Variants in OR14A2 observed in about 807,000 individuals in gnomAD.
OR14A2 encodes olfactory receptor 14A2.
For missense variants in OR14A2, 237 were observed against 152.9 expected (o/e 1.55, Z -2.90); for synonymous variants, 114 against 58.6 (o/e 1.95, Z -4.32).
the OR14A2 span, among the ~76,000 whole-genome samples, chr1:247,734,410 A>G: frequency 6.6e-6 from 1 of 152,182 alleles, no homozygotes; most frequent in Non-Finnish European, 1.5e-5. Context: ...CATCTGTAGT[A>G]TTTTGTCATG....
upstream of OR14A2, among the ~76,000 whole-genome samples, chr1:247,727,869 C>T (rs1660416520): frequency 2.7e-5 from 4 of 146,408 alleles, no homozygotes; most frequent in African/African-American, 1.1e-4. Context: ...CAAGACTAAA[C>T]CAGGAAGAAG....
chr1:247,729,875 A>G, the OR14A2 span, among the ~76,000 whole-genome samples: 1 of 152,050 alleles, frequency 6.6e-6, no homozygotes, highest in East Asian at 1.9e-4. Flanking sequence ...AGATTTGCTC[A>G]TGTTTTCTTG....
chr1:247,727,155 C>T (rs1660394622), upstream of OR14A2, among the ~76,000 whole-genome samples: 1 of 149,146 alleles, frequency 6.7e-6, no homozygotes, highest in Non-Finnish European at 1.5e-5. Context: ...TTGATTCTTC[C>T]TACCCATGAG....
the OR14A2 span, among the ~76,000 whole-genome samples, chr1:247,737,017 G>T: frequency 6.2e-3 from 942 of 152,072 alleles, 14 homozygotes; most frequent in Middle Eastern, 0.024. Flanking sequence ...GGCTTGTCTC[G>T]AATTCCTGGC....
chr1:247,745,745 A>G, the OR14A2 span, among the ~76,000 whole-genome samples: 2 of 152,326 alleles, frequency 1.3e-5, no homozygotes, highest in East Asian at 3.9e-4. Context: ...TGGCTCATAT[A>G]CTTGGTAAAA....
the OR14A2 span, among the ~76,000 whole-genome samples, chr1:247,733,802 T>G: frequency 6.6e-6 from 1 of 152,062 alleles, no homozygotes; most frequent in African/African-American, 2.4e-5. Context: ...CCACCTCTAT[T>G]TAGCCCCAAG....
At chr1:247,729,656 G>GT in the OR14A2 span, among the ~76,000 whole-genome samples, 1 of 151,978 alleles carries the variant, frequency 6.6e-6, no homozygotes, top group Non-Finnish European at 1.5e-5. Flanking sequence ...TAATTTTAAA[G>GT]TTTTTTGTCC....
chr1:247,744,311 G>GT, the OR14A2 span, among the ~76,000 whole-genome samples: 1 of 151,916 alleles, frequency 6.6e-6, no homozygotes, highest in Non-Finnish European at 1.5e-5. This position sits in a 1 kb window ranked among gnomAD's most constrained non-coding sequence, Gnocchi z 4.3. Flanking sequence ...TTTTTGTTTT[G>GT]TTTACTCTAA....
the OR14A2 span, among the ~76,000 whole-genome samples, chr1:247,744,422 C>A: frequency 1.3e-5 from 2 of 151,728 alleles, no homozygotes; most frequent in Non-Finnish European, 2.9e-5. This position sits in a 1 kb window ranked among gnomAD's most constrained non-coding sequence, Gnocchi z 4.3. Context: ...CTTCATTCCT[C>A]AATATATCTC....
At chr1:247,723,512 C>T (rs1403306829) in exon 1 of OR14A2, 2 of 717,702 alleles carry the variant, frequency 2.8e-6, no homozygotes, top group African/African-American at 1.7e-5. Flanking sequence ...GAAGGAACAT[C>T]ACAGAAAAAC....
the OR14A2 span, among the ~76,000 whole-genome samples, chr1:247,738,130 A>G: frequency 2.6e-5 from 4 of 152,192 alleles, no homozygotes; most frequent in African/African-American, 7.2e-5. Context: ...TTCAGTGAGA[A>G]GGGGATAGTA....
chr1:247,728,396 A>G (rs1323709894), upstream of OR14A2, among the ~76,000 whole-genome samples: 1 of 152,066 alleles, frequency 6.6e-6, no homozygotes, highest in East Asian at 1.9e-4. Context: ...AAAACTCTCA[A>G]TAAATTAGGT....
the OR14A2 span, among the ~76,000 whole-genome samples, chr1:247,743,571 A>T: frequency 6.6e-6 from 1 of 152,168 alleles, no homozygotes; most frequent in African/African-American, 2.4e-5. Flanking sequence ...GGGATGTTTC[A>T]TTATGTATTT....
At chr1:247,745,420 T>G in the OR14A2 span, among the ~76,000 whole-genome samples, 1 of 151,536 alleles carries the variant, frequency 6.6e-6, no homozygotes, top group East Asian at 1.9e-4. Flanking sequence ...CTTTTGGCTT[T>G]TTTTTTGATA....
the OR14A2 span, chr1:247,739,706 A>G: frequency 5.2e-6 from 3 of 577,596 alleles, no homozygotes; most frequent in Non-Finnish European, 9.2e-6. Flanking sequence ...AGAAATAGAA[A>G]GCAACTATTT....
exon 1 of OR14A2, chr1:247,723,465 T>C (rs1660252700): frequency 1.4e-6 from 1 of 717,548 alleles, no homozygotes; most frequent in African/African-American, 1.7e-5. Context: ...CTGCATAAAT[T>C]ACCATTAGTG....
chr1:247,725,520 ATTTATTTATTT>A (rs1660324444), upstream of OR14A2, among the ~76,000 whole-genome samples: 1 of 148,094 alleles, frequency 6.8e-6, no homozygotes, highest in African/African-American at 2.5e-5. Context: ...TTTATTTTTT[ATTTATTTATTT>A]TTTTTATTTT....
At chr1:247,725,505 ATTTATTTATTT>A (rs1053256451), upstream of OR14A2, among the ~76,000 whole-genome samples, 9 of 150,224 alleles carry the variant, frequency 6.0e-5, no homozygotes, top group East Asian at 1.2e-3. Context: ...TTATTTATTT[ATTTATTTATTT>A]TTTATTTATT....
chr1:247,736,666 C>G, the OR14A2 span, among the ~76,000 whole-genome samples: 13 of 152,222 alleles, frequency 8.5e-5, no homozygotes, highest in African/African-American at 3.1e-4. Context: ...ACTGAGCTAC[C>G]CTGGCTGTCT....
Sources: gnomAD v4.1 joint callset for allele counts (sites outside exome capture counted in the v4.1 genomes callset) on GRCh38, gnomAD v4.1.1 for gene constraint, Gnocchi (gnomAD v3.1) non-coding constraint, MANE v1.5 for transcripts, NCBI Gene and HGNC (gene_info 2026-07-23, HGNC 2026-07-21) for gene names.